AHCYL2: variants seen among roughly 807,000 people sequenced by gnomAD.
AHCYL2 encodes the protein adenosylhomocysteinase like 2.
In AHCYL2, 28 loss-of-function variants were observed where a neutral mutation model predicts 81.4. That is an observed-to-expected ratio of 0.34 (90% confidence interval 0.25 to 0.47). The LOEUF is 0.47. AHCYL2 is among the 20% of genes least tolerant of loss of function. The probability of loss-of-function intolerance (pLI) is 1.00; values close to 1 mark genes in which losing one functional copy is unlikely to be tolerated. For synonymous variants in AHCYL2, 272 were observed against 290.2 expected, an observed-to-expected ratio of 0.94 and a Z score of 0.64; for missense variants, 551 against 785.1, an observed-to-expected ratio of 0.70 and a Z score of 3.56.
At chr7:129,300,463 A>G (rs1346739426) in intron 1 of AHCYL2, among the ~76,000 whole-genome samples, 1 of 152,158 alleles carries the variant, frequency 6.6e-6, no homozygotes, top group Non-Finnish European at 1.5e-5. Context: ...TGTTGTTGCA[A>G]ATGACAGGAT....
chr7:129,320,848 G>C (rs1406353602), intron 1 of AHCYL2, among the ~76,000 whole-genome samples: 1 of 152,078 alleles, frequency 6.6e-6, no homozygotes, highest in African/African-American at 2.4e-5. Flanking sequence ...GCTGATTCTG[G>C]ACTTTCATAT....
In AHCYL2 at chr7:129,406,442, A is replaced by G. The variant is rs1796311597; in HGVS notation, c.1271A>G (p.Asp424Gly). The stretch of plus-strand genomic sequence containing the variant: ...TCCATTGTGTATGTAACTGAAATTG[A>G]CCCCATCTGTGCCCTGCAAGCCTGG... ...MGSIVYVTEI[D>G]PICALQACMD... Residue 424 changes from aspartate to glycine, a missense_variant, in exon 10 of 17, where the codon GAC (aspartate) becomes GGC (glycine). By Grantham distance (94) the Asp-to-Gly change is moderately conservative. Around this residue, in one of 2 missense-constraint regions of AHCYL2, gnomAD observed 316 missense variants for 543.1 expected, o/e 0.58. Transcript: ENST00000325006. This position sits in a 1 kb window ranked among gnomAD's most constrained non-coding sequence, Gnocchi z 4.3. 1 of 1,612,708 alleles carries G rather than the reference A, an allele frequency of 6.2e-7. No individual in the cohort carries two copies. Among genetic ancestry groups the G allele is most frequent in the Admixed American group, 1.7e-5 (1 of 59,816 alleles).
chr7:129,243,560 T>C (rs1794940005), intron 1 of AHCYL2, among the ~76,000 whole-genome samples: 1 of 106,242 alleles, frequency 9.4e-6, no homozygotes, highest in South Asian at 2.9e-4. Context: ...CAGTTATGTC[T>C]TTTGTTTGTT....
intron 1 of AHCYL2, among the ~76,000 whole-genome samples, chr7:129,310,506 A>G (rs35891284): frequency 0.025 from 3,750 of 152,326 alleles, 76 homozygotes; most frequent in Admixed American, 0.058. Flanking sequence ...TGAAGGAGAA[A>G]GCCAGGAGAG....
At chr7:129,388,958 G>T in intron 2 of AHCYL2, 98 bp from the exon 3 acceptor site, 1 of 1,449,524 alleles carries the variant, frequency 6.9e-7, no homozygotes, top group East Asian at 2.3e-5. Context: ...AATTTATATG[G>T]TGCTAGGTGG....
chr7:129,361,179 A>G (rs976723248), intron 1 of AHCYL2, among the ~76,000 whole-genome samples: 3 of 152,244 alleles, frequency 2.0e-5, no homozygotes, highest in Admixed American at 6.5e-5. Flanking sequence ...GGCTTTATAC[A>G]GCTGGTGTGA....
At chr7:129,229,751 A>C (rs1465475795) in intron 1 of AHCYL2, among the ~76,000 whole-genome samples, 2 of 152,226 alleles carry the variant, frequency 1.3e-5, no homozygotes, top group African/African-American at 4.8e-5. Flanking sequence ...CAAATGTAGA[A>C]CTTGAAAGAA....
At chr7:129,259,326 A>AT (rs1350088998) in intron 1 of AHCYL2, among the ~76,000 whole-genome samples, 1 of 151,954 alleles carries the variant, frequency 6.6e-6, no homozygotes. Context: ...TCAAATCTTA[A>AT]TTTTTTATAT....
chr7:129,377,646 T>G (rs753609555), intron 1 of AHCYL2: 1 of 456,560 alleles, frequency 2.2e-6, no homozygotes, highest in South Asian at 1.5e-5. Context: ...GTCAGACCTT[T>G]GATCATTTTC....
At chr7:129,250,468 A>T in intron 1 of AHCYL2, among the ~76,000 whole-genome samples, 1 of 152,190 alleles carries the variant, frequency 6.6e-6, no homozygotes, top group Non-Finnish European at 1.5e-5. Flanking sequence ...GTACAGGATC[A>T]TGTTATCTAC....
intron 1 of AHCYL2, chr7:129,283,433 A>G: frequency 2.2e-6 from 1 of 455,902 alleles, no homozygotes; most frequent in Non-Finnish European, 4.4e-6. Context: ...AGGTAGGTAA[A>G]TCTTATACTT....
At chr7:129,336,020 G>GTTTCT (rs200433872) in intron 1 of AHCYL2, among the ~76,000 whole-genome samples, 1,576 of 148,000 alleles carry the variant, frequency 0.011, 42 homozygotes, top group African/African-American at 0.038. Context: ...AAGTACTGAA[G>GTTTCT]TTTCTTTTCT....
intron 1 of AHCYL2, among the ~76,000 whole-genome samples, chr7:129,334,148 G>T (rs974857861): frequency 3.9e-5 from 6 of 152,188 alleles, no homozygotes; most frequent in African/African-American, 1.2e-4. Context: ...CTGACTTTAA[G>T]TCTCTTTTGT....
intron 1 of AHCYL2, among the ~76,000 whole-genome samples, chr7:129,236,897 T>G (rs1311963294): frequency 2.0e-5 from 3 of 152,212 alleles, no homozygotes; most frequent in Non-Finnish European, 4.4e-5. Flanking sequence ...ACAAATTATT[T>G]ATTGATTGAC....
At chr7:129,332,988 T>C (rs1230399877) in intron 1 of AHCYL2, among the ~76,000 whole-genome samples, 1 of 152,198 alleles carries the variant, frequency 6.6e-6, no homozygotes, top group African/African-American at 2.4e-5. Context: ...CTGAGAGATA[T>C]GGGTGACTAA....
chr7:129,246,304 C>T (rs907431435), intron 1 of AHCYL2, among the ~76,000 whole-genome samples: 20 of 152,162 alleles, frequency 1.3e-4, no homozygotes, highest in Non-Finnish European at 2.2e-4. Context: ...GTGATCCACC[C>T]GCCTCGGCCT....
At chr7:129,344,639 A>G (rs1430307389) in intron 1 of AHCYL2, among the ~76,000 whole-genome samples, 1 of 152,222 alleles carries the variant, frequency 6.6e-6, no homozygotes, top group African/African-American at 2.4e-5. Flanking sequence ...ACCAAAAATT[A>G]TAAGTGTTAT....
rs556865262 is a variant in AHCYL2 at position 129,350,747 on chromosome 7, A to G, written c.364-28891A>G. 3.1e-3 allele frequency among the ~76,000 whole-genome samples: 361 copies of G among 116,832 alleles called. 5 individuals carry two copies. The Middle Eastern group carries it at 0.034, about 11-fold the overall frequency. The allele number at this position is 116,832 out of a possible 152,430, so 76.6% of individuals were successfully genotyped here. ...TTTTTTTTTTATCTTTTAGGGATGG[A>G]GTTTTGCTCTGTTACTCAGGCTCTC... On this transcript the variant is annotated intron_variant, in intron 1 of 16. Transcript: ENST00000325006.
In AHCYL2 at chr7:129,389,649, T is replaced by C. The variant is rs1795373031; in HGVS notation, c.635T>C (p.Met212Thr). 5.0e-6 allele frequency: 8 copies of C among 1,613,122 alleles called. No homozygotes were observed. Among genetic ancestry groups the C allele is most frequent in the African/African-American group, 1.3e-5 (1 of 74,870 alleles). ...EIAEQEMPALMALRKRAQGEK... is the reference protein window; with the variant it reads ...EIAEQEMPALTALRKRAQGEK... ...GCCTTTTCAGAAATGCCTGCATTGATGGCTTTGAGGAAGAGAGCTCAAGGA... is the reference window on the plus strand; with the variant it reads ...GCCTTTTCAGAAATGCCTGCATTGACGGCTTTGAGGAAGAGAGCTCAAGGA... The change falls in exon 4 of 17, where the codon ATG becomes ACG. Residue 212 changes from methionine (M) to threonine (T), a missense_variant. This residue lies in a region of AHCYL2 where 316 missense variants were observed against 543.1 expected (regional missense o/e 0.58). Transcript: ENST00000325006.
Sources: gnomAD v4.1 joint callset for allele counts (sites outside exome capture counted in the v4.1 genomes callset) on GRCh38, gnomAD v4.1.1 for gene constraint, gnomAD v4.1.1 regional missense constraint, Gnocchi (gnomAD v3.1) non-coding constraint, MANE v1.5 for transcripts, NCBI Gene and HGNC (gene_info 2026-07-23, HGNC 2026-07-21) for gene names.